The following NTNG1 variants were observed in gnomAD, a reference collection of about 807,000 sequenced individuals.
The protein encoded by NTNG1 is netrin G1.
A neutral mutation model predicts 54.0 loss-of-function variants in NTNG1; 16 were observed. The observed-to-expected ratio is 0.30, with a 90% confidence interval of 0.20 to 0.45. The LOEUF (loss-of-function observed/expected upper bound fraction) is 0.45. Ranked by LOEUF, NTNG1 falls within the 20% of genes least tolerant of loss-of-function variation. NTNG1 has a pLI of 1.00. For missense variants in NTNG1, 530 were observed against 678.7 expected, an observed-to-expected ratio of 0.78 and a Z score of 2.43; for synonymous variants, 255 against 263.1, an observed-to-expected ratio of 0.97 and a Z score of 0.30.
Position 107,151,442 on chromosome 1 carries a change from C to T in NTNG1, c.246+2603C>T, listed in dbSNP as rs114785673. On this transcript the variant is annotated intron_variant, in intron 2 of 7. Coordinates refer to ENST00000370068, the MANE Select transcript of NTNG1 (RefSeq NM_001113226.3). ...CCCCTCCTTGACGCTTGCATCCATA[C>T]CTGCTCCCTCAGAGTCATTATGGCC... Among the ~76,000 whole-genome samples the T allele has an allele frequency of 8.6e-3, 1,313 of 152,240 alleles. 19 individuals are homozygous for T. Among genetic ancestry groups the T allele is most frequent in the African/African-American group, 0.03 (1,251 of 41,536 alleles).
rs575586169 is a variant in NTNG1 at position 107,205,996 on chromosome 1, C to T, written c.246+57157C>T. Among the ~76,000 whole-genome samples the T allele has an allele frequency of 1.2e-3, 178 of 152,210 alleles. 1 individual carries two copies. Among genetic ancestry groups the T allele is most frequent in the Admixed American group, 2.0e-3 (31 of 15,286 alleles). Reference sequence around the variant, plus strand: ...TTGTATATAGTTCATTCTCATTGCTCACTGTGACAATTTATCTGTCCATTC... The same window carrying T: ...TTGTATATAGTTCATTCTCATTGCTTACTGTGACAATTTATCTGTCCATTC... On this transcript the variant is annotated intron_variant, in intron 2 of 7. Transcript: ENST00000370068.
chr1:107,329,247 C>A (rs112082518), intron 3 of NTNG1, among the ~76,000 whole-genome samples: 38 of 152,280 alleles, frequency 2.5e-4, no homozygotes, highest in African/African-American at 8.7e-4. Flanking sequence ...TCACACTCTC[C>A]CTGCCTAATC....
intron 4 of NTNG1, among the ~76,000 whole-genome samples, chr1:107,404,958 C>T (rs1250121752): frequency 6.6e-6 from 1 of 152,158 alleles, no homozygotes; most frequent in African/African-American, 2.4e-5. Flanking sequence ...GGCTTTTAGA[C>T]ATAGTCACTG....
chr1:107,369,484 C>T (rs2100985690), intron 3 of NTNG1, among the ~76,000 whole-genome samples: 1 of 152,184 alleles, frequency 6.6e-6, no homozygotes, highest in East Asian at 1.9e-4. Flanking sequence ...TTAATTGGCA[C>T]TTTACTAATA....
Position 107,414,375 on chromosome 1 carries a change from C to T in NTNG1, c.1087+6667C>T, listed in dbSNP as rs76722277. On this transcript the variant is annotated intron_variant, in intron 5 of 7. Coordinates refer to ENST00000370068, the MANE Select transcript of NTNG1 (RefSeq NM_001113226.3). ...TTCTTAAAAAAATTGGAGAAACTACCTATTTGATTCATATTCTAAGCTGAT... is the reference window on the plus strand; with the variant it reads ...TTCTTAAAAAAATTGGAGAAACTACTTATTTGATTCATATTCTAAGCTGAT... Among the ~76,000 whole-genome samples, 1,792 of 152,170 alleles carry T rather than the reference C, an allele frequency of 0.012. 90 individuals are homozygous for T. In the East Asian group the frequency reaches 0.17, roughly 15 times the overall value.
chr1:107,168,971 C>T (rs915387761), intron 2 of NTNG1, among the ~76,000 whole-genome samples: 7 of 152,106 alleles, frequency 4.6e-5, no homozygotes, highest in Non-Finnish European at 1.0e-4. Context: ...AATCTGTACC[C>T]ATATTTAATG....
intron 5 of NTNG1, chr1:107,408,116 A>T: frequency 3.1e-6 from 1 of 326,630 alleles, no homozygotes; most frequent in East Asian, 7.9e-5. Context: ...AATGAAAGCC[A>T]ATGAATGCCT....
chr1:107,151,059 C>T (rs148474124), intron 2 of NTNG1, among the ~76,000 whole-genome samples: 1 of 152,284 alleles, frequency 6.6e-6, no homozygotes, highest in East Asian at 1.9e-4. Context: ...TGTCATTGGA[C>T]AGAATGGTTT....
intron 7 of NTNG1, among the ~76,000 whole-genome samples, chr1:107,442,872 G>C (rs891516976): frequency 3.3e-5 from 5 of 152,076 alleles, no homozygotes; most frequent in African/African-American, 1.2e-4. Flanking sequence ...AAGTAGACAT[G>C]GTTCAGGAAG....
Position 107,172,992 on chromosome 1 carries a change from G to A in NTNG1, c.246+24153G>A, listed in dbSNP as rs528399967. On this transcript the variant is annotated intron_variant, in intron 2 of 7. Coordinates refer to ENST00000370068, the MANE Select transcript of NTNG1 (RefSeq NM_001113226.3). ...TAGAGAAATCACCTCATTCAGAAGAGATGACTTTTCTGTTTCCAGATTAGT... is the reference window on the plus strand; with the variant it reads ...TAGAGAAATCACCTCATTCAGAAGAAATGACTTTTCTGTTTCCAGATTAGT... Among the ~76,000 whole-genome samples, 7 of 152,240 alleles carry A rather than the reference G, an allele frequency of 4.6e-5. No homozygotes were observed. In the East Asian group the frequency reaches 1.4e-3, roughly 29 times the overall value.
At chr1:107,271,879 T>C (rs1557859992) in intron 2 of NTNG1, among the ~76,000 whole-genome samples, 1 of 152,128 alleles carries the variant, frequency 6.6e-6, no homozygotes, top group South Asian at 2.1e-4. Flanking sequence ...TAAATGCATT[T>C]TAAAAAATGA....
chr1:107,193,993 G>T (rs1307266178), intron 2 of NTNG1, among the ~76,000 whole-genome samples: 1 of 151,892 alleles, frequency 6.6e-6, no homozygotes, highest in Non-Finnish European at 1.5e-5. Flanking sequence ...TCTTGCCCAG[G>T]ATTTTATCTC....
At chr1:107,243,904 A>G (rs1662009990) in intron 2 of NTNG1, among the ~76,000 whole-genome samples, 1 of 152,190 alleles carries the variant, frequency 6.6e-6, no homozygotes, top group Non-Finnish European at 1.5e-5. Context: ...AAATTTTGTT[A>G]AAACTAGGCA....
At chr1:107,283,086 G>A (rs1664967492) in intron 2 of NTNG1, among the ~76,000 whole-genome samples, 1 of 152,040 alleles carries the variant, frequency 6.6e-6, no homozygotes, top group Non-Finnish European at 1.5e-5. Context: ...TGGTGGTTAG[G>A]TTTCAACATA....
chr1:107,446,278 C>T (rs1676299147), intron 7 of NTNG1, among the ~76,000 whole-genome samples: 1 of 151,952 alleles, frequency 6.6e-6, no homozygotes. Flanking sequence ...TAATCAGTGC[C>T]GTCTGTTTAA....
intron 3 of NTNG1, among the ~76,000 whole-genome samples, chr1:107,377,705 G>T (rs1671384596): frequency 6.6e-6 from 1 of 152,248 alleles, no homozygotes; most frequent in African/African-American, 2.4e-5. Flanking sequence ...GCAAAAAGAT[G>T]CATGTATCTA....
chr1:107,436,724 G>C lies in NTNG1; in HGVS notation c.1315G>C (p.Glu439Gln), dbSNP rs755713976. ...HDRCNGSGFC[E>Q]CKTGTTGPKC... ...TCGTTGTAATGGCTCAGGATTTTGT[G>C]AGTGTAAGACTGGAACAACAGGGCC... Residue 439 changes from glutamate to glutamine, a missense_variant, in exon 7 of 8, where the codon GAG (glutamate) becomes CAG (glutamine). Physicochemically the swap from Glu to Gln is conservative, Grantham distance 29. Transcript: ENST00000370068. 12 of 1,613,428 alleles carry C rather than the reference G, an allele frequency of 7.4e-6. No individual in the cohort carries two copies. The East Asian group carries it at 2.2e-4, about 30-fold the overall frequency.
intron 2 of NTNG1, among the ~76,000 whole-genome samples, chr1:107,274,522 A>G (rs569783671): frequency 6.4e-4 from 97 of 152,326 alleles, no homozygotes; most frequent in Middle Eastern, 6.8e-3. Context: ...CAATGACCAA[A>G]CTGAAACACA....
chr1:107,158,978 AG>A (rs1310743558), intron 2 of NTNG1, among the ~76,000 whole-genome samples: 2 of 152,200 alleles, frequency 1.3e-5, no homozygotes, highest in African/African-American at 4.8e-5. Context: ...GTTATACTAA[AG>A]GGCCTCAATC....
Sources: allele counts gnomAD v4.1 joint callset (sites outside exome capture counted in the v4.1 genomes callset), GRCh38; gene constraint gnomAD v4.1.1; transcripts MANE v1.5; gene names NCBI Gene and HGNC (gene_info 2026-07-23, HGNC 2026-07-21).